The following UBAP1L variants were observed in gnomAD, a reference collection of about 807,000 sequenced individuals.
The protein encoded by UBAP1L is ubiquitin associated protein 1 like.
Under a neutral mutation model 32.1 loss-of-function variants are expected in UBAP1L, and 32 were observed. That is an observed-to-expected ratio of 1.00 (90% CI 0.75 to 1.34). UBAP1L has a LOEUF of 1.34. Among genes scored for constraint, UBAP1L ranks in the 40% most tolerant of loss-of-function variants. UBAP1L has a pLI of 0.00. For synonymous variants in UBAP1L, 243 were observed against 250.2 expected (o/e 0.97, Z 0.27); for missense variants, 516 against 540.5 (o/e 0.95, Z 0.45).
chr15:65,104,641 C>T (rs963050434), intron 2 of UBAP1L, among the ~76,000 whole-genome samples: 2 of 152,058 alleles, frequency 1.3e-5, no homozygotes, highest in East Asian at 1.9e-4. Context: ...ACTGGGAGGC[C>T]GAGGCCGGAG....
chr15:65,105,700 A>G, intron 2 of UBAP1L: 1 of 692,398 alleles, frequency 1.4e-6, no homozygotes, highest in South Asian at 1.4e-5. Context: ...TTACAGAAAT[A>G]GTGTGTACCA....
Position 65,112,551 on chromosome 15 carries a change from T to C in UBAP1L, c.-174+2599A>G, listed in dbSNP as rs141462732. On this transcript the variant is annotated intron_variant, in intron 1 of 5. Transcript: ENST00000559089. ...GATGGGTGAAGGTGGCACTGATTGA[T>C]TTAAGTGGGGCCCAGGCAATGACAT... 6.9e-4 allele frequency among the ~76,000 whole-genome samples: 105 copies of C among 152,236 alleles called. 2 individuals are homozygous for C. In the East Asian group the frequency reaches 0.018, roughly 27 times the overall value.
Position 65,102,734 on chromosome 15 carries a change from G to A in UBAP1L, c.121-50C>T, listed in dbSNP as rs1159394664. The A allele has an allele frequency of 6.7e-7, 1 of 1,498,278 alleles. No individual in the cohort carries two copies. The highest frequency in any genetic ancestry group is 9.0e-7 in the Non-Finnish European group (1 of 1,113,668). 92.8% of individuals were successfully genotyped at this position (1,498,278 alleles called of 1,614,324 possible). A position where few individuals can be genotyped will look rare whatever the true frequency, so the allele number is the denominator to read the frequency against. On this transcript the variant is annotated intron_variant, in intron 2 of 5. Coordinates refer to ENST00000559089, the MANE Select transcript of UBAP1L (RefSeq NM_001163692.2). This position sits in a 1 kb window ranked among gnomAD's most constrained non-coding sequence, Gnocchi z 5.0. ...CCCAGGGCAAACCAGGACCCCGGGG[G>A]CACAACACTAACCCCTGGCCTGGGG... is the stretch of plus-strand genomic sequence containing the variant.
Position 65,106,282 on chromosome 15 carries a change from C to T in UBAP1L, c.-67G>A, listed in dbSNP as rs2919339. 8,012 of 1,486,084 alleles carry T rather than the reference C, an allele frequency of 5.4e-3. 389 individuals are homozygous for T. The African/African-American group carries it at 0.1, about 19-fold the overall frequency. 92.1% of individuals were successfully genotyped at this position (1,486,084 alleles called of 1,614,324 possible). A position where few individuals can be genotyped will look rare whatever the true frequency, so the allele number is the denominator to read the frequency against. ...CTGCTTGATGGCAGGGAGAGAGAGTCGAGTCCTGAGGACCAGGCTCAGGCC... is the reference window on the plus strand; with the variant it reads ...CTGCTTGATGGCAGGGAGAGAGAGTTGAGTCCTGAGGACCAGGCTCAGGCC... On this transcript the variant is annotated 5_prime_UTR_variant, in exon 2 of 6. Coordinates refer to ENST00000559089, the MANE Select transcript of UBAP1L (RefSeq NM_001163692.2).
chr15:65,097,157 T>G (rs1386743901), intron 4 of UBAP1L: 1 of 152,226 alleles, frequency 6.6e-6, no homozygotes, highest in Non-Finnish European at 1.5e-5. Context: ...GGAAACACAA[T>G]GTTCCCAATG....
chr15:65,096,966 A>G (rs2087181331), intron 4 of UBAP1L: 1 of 152,296 alleles, frequency 6.6e-6, no homozygotes, highest in Non-Finnish European at 1.5e-5. Context: ...TCTGAACCCA[A>G]AGGGCTTGTT....
rs539482742 is a variant in UBAP1L at position 65,099,335 on chromosome 15, A to T, written c.909+170T>A. 16 of 670,596 alleles carry T rather than the reference A, an allele frequency of 2.4e-5. No individual in the cohort carries two copies. The East Asian group carries it at 4.1e-4, about 17-fold the overall frequency. 41.5% of individuals were successfully genotyped at this position (670,596 alleles called of 1,614,324 possible). A position where few individuals can be genotyped will look rare whatever the true frequency, so the allele number is the denominator to read the frequency against. ...ATTGAGGCAGGGGTATAAAGGCCTGACCATCTCAGCCCCACTTAGGACAAC... is the reference window on the plus strand; with the variant it reads ...ATTGAGGCAGGGGTATAAAGGCCTGTCCATCTCAGCCCCACTTAGGACAAC... On this transcript the variant is annotated intron_variant, in intron 4 of 5. Coordinates refer to ENST00000559089, the MANE Select transcript of UBAP1L (RefSeq NM_001163692.2).
In UBAP1L at chr15:65,103,648, G is replaced by A. The variant is rs1344678117; in HGVS notation, c.121-964C>T. On this transcript the variant is annotated intron_variant, in intron 2 of 5. Coordinates refer to ENST00000559089, the MANE Select transcript of UBAP1L (RefSeq NM_001163692.2). Reference sequence around the variant, plus strand: ...CCATGACCCTACCTTGGGGAGAGGAGCATAAGTTAGCTGCTCCAGTGTGAC... The same window carrying A: ...CCATGACCCTACCTTGGGGAGAGGAACATAAGTTAGCTGCTCCAGTGTGAC... 2.6e-5 allele frequency among the ~76,000 whole-genome samples: 4 copies of A among 152,334 alleles called. No homozygotes were observed. In the East Asian group the frequency reaches 7.7e-4, roughly 29 times the overall value.
rs1406959235 is a variant in UBAP1L, at chr15:65,093,106, A to C, written c.1137T>G (p.Cys379Trp). 1 of 1,548,364 alleles carries C rather than the reference A, an allele frequency of 6.5e-7. No individual in the cohort carries two copies. ...REQALEELVA[C>W]AQ ...TGGAGTGCCTCCGTGGTCACTGGGC[A>C]CAGGCCACCAGCTCCTCCAGGGCTT... Residue 379 changes from cysteine to tryptophan, a missense_variant, in exon 6 of 6, where the codon TGT (cysteine) becomes TGG (tryptophan). By Grantham distance (215) the Cys-to-Trp change is radical. Transcript: ENST00000559089.
chr15:65,104,321 AAAGAGAAGAG>A (rs199681416), intron 2 of UBAP1L, among the ~76,000 whole-genome samples: 16 of 151,976 alleles, frequency 1.1e-4, no homozygotes, highest in African/African-American at 3.9e-4. Context: ...AGAGAGAGAG[AAAGAGAAGAG>A]AAGAGAAGAA....
intron 4 of UBAP1L, chr15:65,098,778 A>T (rs2087206356): frequency 6.6e-6 from 1 of 152,222 alleles, no homozygotes; most frequent in Non-Finnish European, 1.5e-5. Flanking sequence ...AGAACCCCCT[A>T]GCTGAGTCCA....
Position 65,102,544 on chromosome 15 carries a change from C to T in UBAP1L, c.261G>A (p.Leu87=), listed in dbSNP as rs1566967080. Residue 87 remains leucine (L), a synonymous_variant, in exon 3 of 6, where the codon CTG becomes CTA. Coordinates refer to ENST00000559089, the MANE Select transcript of UBAP1L (RefSeq NM_001163692.2). The surrounding 1 kb of genome is among the most constrained non-coding windows in gnomAD (Gnocchi z 5.0). ...CTCTGATTGTGGTGGGCGCAGGCGC[C>T]AGCCCATGTTCGGGGCTGACTAGCA... ...WLLLVSPEHG[L]APAPTTIRDP... 7 of 1,525,664 alleles carry T rather than the reference C, an allele frequency of 4.6e-6. No individual in the cohort carries two copies. Among genetic ancestry groups the T allele is most frequent in the Middle Eastern group, 3.4e-4 (2 of 5,840 alleles). 94.5% of individuals were successfully genotyped at this position (1,525,664 alleles called of 1,614,324 possible).
rs540712307 is a variant in UBAP1L at position 65,105,104 on chromosome 15, A to C, written c.120+992T>G. The C allele has an allele frequency of 2.1e-5, 4 of 187,714 alleles. No individual in the cohort carries two copies. In the South Asian group the frequency reaches 2.6e-4, roughly 12 times the overall value. 11.6% of individuals were successfully genotyped at this position (187,714 alleles called of 1,614,324 possible). ...TGAGGTGGGAGGGCTCCTTGAGCCC[A>C]GGAGGTTGAGGCTGCAGTGAGCCAT... is the stretch of plus-strand genomic sequence containing the variant. On this transcript the variant is annotated intron_variant, in intron 2 of 5. Coordinates refer to ENST00000559089, the MANE Select transcript of UBAP1L (RefSeq NM_001163692.2).
rs1173183221 is a variant in UBAP1L, at chr15:65,110,698, AAAAAG to A, written c.-173-4315_-173-4311del. Among the ~76,000 whole-genome samples the A allele has an allele frequency of 4.3e-3, 651 of 150,704 alleles. 2 individuals are homozygous for A. Among genetic ancestry groups the A allele is most frequent in the African/African-American group, 0.014 (570 of 40,824 alleles). ...AGACTCTGTCTCAAAAAAAAAAAAA[AAAAAG>A]AAAAGAAAAGAAAAAGAACAAACTC... On this transcript the variant is annotated intron_variant, in intron 1 of 5. Coordinates refer to ENST00000559089, the MANE Select transcript of UBAP1L (RefSeq NM_001163692.2).
intron 2 of UBAP1L, among the ~76,000 whole-genome samples, chr15:65,104,276 A>G (rs2087278821): frequency 6.6e-6 from 1 of 152,000 alleles, no homozygotes; most frequent in Admixed American, 6.6e-5. Flanking sequence ...GGGAAGGGAA[A>G]AAAGAAAAGA....
chr15:65,106,054 G>C lies in UBAP1L; in HGVS notation c.120+42C>G, dbSNP rs1347572449. 16 of 1,548,662 alleles carry C rather than the reference G, an allele frequency of 1.0e-5. No homozygotes were observed. The South Asian group carries it at 1.3e-4, about 13-fold the overall frequency. On this transcript the variant is annotated intron_variant, in intron 2 of 5. Coordinates refer to ENST00000559089, the MANE Select transcript of UBAP1L (RefSeq NM_001163692.2). ...ACAAGGCCCCATGGACTCAGCCCCAGACCCACAGACCCAGAAGACAGAAAC... is the reference window on the plus strand; with the variant it reads ...ACAAGGCCCCATGGACTCAGCCCCACACCCACAGACCCAGAAGACAGAAAC...
At chr15:65,108,225 T>C (rs888155697) in intron 1 of UBAP1L, among the ~76,000 whole-genome samples, 1 of 151,874 alleles carries the variant, frequency 6.6e-6, no homozygotes, top group Non-Finnish European at 1.5e-5. Context: ...GTAGAGTAGC[T>C]GGAAAGGGAA....
At chr15:65,115,060 TA>T (rs1386195973) in intron 1 of UBAP1L, 89 bp downstream of exon 1, 1 of 152,248 alleles carries the variant, frequency 6.6e-6, no homozygotes, top group Non-Finnish European at 1.5e-5. Flanking sequence ...CACTATTCCA[TA>T]AATCACTACT....
intron 1 of UBAP1L, among the ~76,000 whole-genome samples, chr15:65,110,427 C>T (rs183172289): frequency 2.0e-5 from 3 of 151,548 alleles, no homozygotes; most frequent in African/African-American, 4.8e-5. Flanking sequence ...CCTCTAATCC[C>T]AGCACTCTGG....
Sources: allele counts gnomAD v4.1 joint callset (sites outside exome capture counted in the v4.1 genomes callset), GRCh38; gene constraint gnomAD v4.1.1; non-coding constraint Gnocchi (gnomAD v3.1); transcripts MANE v1.5; gene names NCBI Gene and HGNC (gene_info 2026-07-23, HGNC 2026-07-21).